The following DPP10 variants were observed in gnomAD, a reference collection of about 807,000 sequenced individuals.
The protein encoded by DPP10 is inactive dipeptidyl peptidase 10.
A neutral mutation model predicts 120.9 loss-of-function variants in DPP10; 33 were observed. The ratio of observed to expected loss-of-function variants is 0.27; its 90% CI spans 0.21 to 0.37. The LOEUF (loss-of-function observed/expected upper bound fraction) is 0.37. Ranked by LOEUF, DPP10 falls within the 10% of genes least tolerant of loss-of-function variation. The pLI is 1.00. For missense variants in DPP10, 816 were observed against 942.8 expected (o/e 0.87, Z 1.76); for synonymous variants, 337 against 326.1 (o/e 1.03, Z -0.36).
At chr2:114,738,849 A>G (rs1416207247) in intron 1 of DPP10, among the ~76,000 whole-genome samples, 1 of 152,116 alleles carries the variant, frequency 6.6e-6, no homozygotes, top group East Asian at 1.9e-4. Context: ...TCCTTCCGCA[A>G]TTCTATTCTT....
At chr2:114,749,744 G>C (rs774186737) in intron 1 of DPP10, among the ~76,000 whole-genome samples, 4 of 151,832 alleles carry the variant, frequency 2.6e-5, no homozygotes, top group Non-Finnish European at 5.9e-5. Flanking sequence ...CGCAGTCCAA[G>C]CACTGCTTTT....
intron 3 of DPP10, among the ~76,000 whole-genome samples, chr2:115,456,503 A>G (rs2073556425): frequency 1.3e-5 from 2 of 152,186 alleles, no homozygotes; most frequent in South Asian, 2.1e-4. Flanking sequence ...ATAAAGATAC[A>G]TGCACACATA....
intron 3 of DPP10, among the ~76,000 whole-genome samples, chr2:115,414,710 G>A (rs928786573): frequency 9.9e-5 from 15 of 152,130 alleles, no homozygotes; most frequent in Admixed American, 3.9e-4. Flanking sequence ...AGAAAGTAAT[G>A]TGAAATTAGC....
intron 1 of DPP10, among the ~76,000 whole-genome samples, chr2:114,734,467 C>T (rs1036200910): frequency 6.6e-6 from 1 of 152,098 alleles, no homozygotes; most frequent in African/African-American, 2.4e-5. Context: ...CCTGGAAACC[C>T]CCACTTTGAG....
At chr2:115,392,014 T>C (rs1228094618) in intron 3 of DPP10, among the ~76,000 whole-genome samples, 1 of 152,116 alleles carries the variant, frequency 6.6e-6, no homozygotes, top group African/African-American at 2.4e-5. Context: ...ACCACTTGTA[T>C]TTTCCAGGAC....
Position 115,845,449 on chromosome 2 carries a change from A to G in DPP10, c.*3104A>G, listed in dbSNP as rs1690539367. On this transcript the variant is annotated 3_prime_UTR_variant, in exon 26 of 26. Transcript: ENST00000410059. ...GGTGTTACTAACCCGCTAAAACACA[A>G]TTAATGAAAGACTGTAGCAGGTAAC... The G allele has an allele frequency of 6.6e-6, 1 of 152,204 alleles. No individual in the cohort carries two copies. Among genetic ancestry groups the G allele is most frequent in the African/African-American group, 2.4e-5 (1 of 41,454 alleles). The allele number at this position is 152,204 out of a possible 1,614,324, so 9.4% of individuals were successfully genotyped here. A position where few individuals can be genotyped will look rare whatever the true frequency, so the allele number is the denominator to read the frequency against.
chr2:115,009,429 G>A (rs1022718487), intron 1 of DPP10, among the ~76,000 whole-genome samples: 1 of 152,014 alleles, frequency 6.6e-6, no homozygotes, highest in Non-Finnish European at 1.5e-5. Context: ...TTCTGTTGTG[G>A]GGTGGGGGTT....
intron 1 of DPP10, among the ~76,000 whole-genome samples, chr2:114,979,055 G>T (rs1017982975): frequency 1.3e-5 from 2 of 151,978 alleles, no homozygotes; most frequent in African/African-American, 4.8e-5. Flanking sequence ...TTCTTCCACT[G>T]AGCAATCTCA....
chr2:115,763,873 GAAT>G (rs1680399218), intron 12 of DPP10, among the ~76,000 whole-genome samples: 1 of 152,158 alleles, frequency 6.6e-6, no homozygotes, highest in Non-Finnish European at 1.5e-5. Context: ...CTGAGTCATA[GAAT>G]CATTTGATCT....
chr2:114,965,856 C>T (rs573349851), intron 1 of DPP10, among the ~76,000 whole-genome samples: 1 of 150,422 alleles, frequency 6.6e-6, no homozygotes, highest in South Asian at 2.1e-4. Context: ...GTCCCAGCTA[C>T]TCAGGAGGCT....
At chr2:115,455,198 G>T (rs1558686027) in intron 3 of DPP10, among the ~76,000 whole-genome samples, 1 of 151,822 alleles carries the variant, frequency 6.6e-6, no homozygotes, top group Non-Finnish European at 1.5e-5. Context: ...TTCATGAATT[G>T]TAAGTCTCCA....
chr2:115,041,183 G>T (rs1365157561), intron 1 of DPP10, among the ~76,000 whole-genome samples: 2 of 150,954 alleles, frequency 1.3e-5, no homozygotes, highest in Non-Finnish European at 2.9e-5. Flanking sequence ...ACATCCTGCA[G>T]AACCATGAGC....
In DPP10 at chr2:115,842,395, C is replaced by T; in HGVS notation, c.*50C>T. 1 of 1,576,552 alleles carries T rather than the reference C, an allele frequency of 6.3e-7. No individual in the cohort carries two copies. The highest frequency in any genetic ancestry group is 8.6e-7 in the Non-Finnish European group (1 of 1,157,158). ...AGGGAATATTGAGGCTCAATGAAAC[C>T]TGACAAAGAGACTGTAATATTGTAG... On this transcript the variant is annotated 3_prime_UTR_variant, in exon 26 of 26. Transcript: ENST00000410059.
At chr2:114,616,115 A>C (rs551207320) in intron 1 of DPP10, among the ~76,000 whole-genome samples, 55 of 152,300 alleles carry the variant, frequency 3.6e-4, no homozygotes, top group African/African-American at 1.3e-3. Flanking sequence ...GAAGGAAGAC[A>C]GGGAAAGACA....
chr2:114,461,925 G>C, intron 1 of DPP10: 1 of 985,452 alleles, frequency 1.0e-6, no homozygotes, highest in Non-Finnish European at 1.2e-6. Flanking sequence ...GAGCTGGTAT[G>C]CTGGTTAGGA....
chr2:114,929,842 A>G (rs529553678), intron 1 of DPP10, among the ~76,000 whole-genome samples: 114 of 152,346 alleles, frequency 7.5e-4, no homozygotes, highest in African/African-American at 2.6e-3. Context: ...TGTCCATGAA[A>G]TCTTCACAAT....
chr2:114,652,669 T>A (rs547744166), intron 1 of DPP10, among the ~76,000 whole-genome samples: 12 of 152,306 alleles, frequency 7.9e-5, no homozygotes, highest in Non-Finnish European at 1.2e-4. Flanking sequence ...CTTGTCGAAT[T>A]TTATGCTCTA....
intron 1 of DPP10, among the ~76,000 whole-genome samples, chr2:115,017,438 A>AGT (rs1013839213): frequency 3.9e-5 from 6 of 152,130 alleles, no homozygotes; most frequent in African/African-American, 1.4e-4. Flanking sequence ...TGTGGAAGAA[A>AGT]GTGTGGCAAT....
intron 1 of DPP10, among the ~76,000 whole-genome samples, chr2:114,454,561 G>T (rs763488970): frequency 2.0e-5 from 3 of 152,026 alleles, no homozygotes; most frequent in Non-Finnish European, 2.9e-5. Context: ...GTTACCCAAG[G>T]TCCCCTGCTA....
Sources: gnomAD v4.1 joint callset for allele counts (sites outside exome capture counted in the v4.1 genomes callset) on GRCh38, gnomAD v4.1.1 for gene constraint, MANE v1.5 for transcripts, NCBI Gene and HGNC (gene_info 2026-07-23, HGNC 2026-07-21) for gene names.